Variants in HMOX2 observed in about 807,000 individuals in gnomAD.
HMOX2 encodes the protein heme oxygenase 2.
In HMOX2, 30 loss-of-function variants were observed where a neutral mutation model predicts 33.7. The observed-to-expected ratio is 0.89, with a 90% CI of 0.67 to 1.21. HMOX2 has a LOEUF of 1.21. Among genes scored for constraint, HMOX2 ranks in the 50% most tolerant of loss-of-function variants. The probability of loss-of-function intolerance (pLI) is 0.00; values close to 1 mark genes in which losing one functional copy is unlikely to be tolerated. For missense variants in HMOX2, 403 were observed against 399.1 expected, an observed-to-expected ratio of 1.01 and a Z score of -0.08; for synonymous variants, 155 against 155.0, an observed-to-expected ratio of 1.00 and a Z score of 0.00.
chr16:4,487,152 G>A (rs746134035), intron 1 of HMOX2, among the ~76,000 whole-genome samples: 9 of 152,088 alleles, frequency 5.9e-5, no homozygotes, highest in Non-Finnish European at 1.2e-4. Context: ...TCAGCTGCTC[G>A]AGAGGCTAAG....
At chr16:4,508,315 A>C in intron 4 of HMOX2, 111 bp downstream of exon 4, 1 of 1,291,162 alleles carries the variant, frequency 7.7e-7, no homozygotes, top group Non-Finnish European at 1.1e-6. Flanking sequence ...GATGAGCTGC[A>C]GGGTGCCGAG....
At chr16:4,499,260 C>A (rs964869365) in intron 1 of HMOX2, among the ~76,000 whole-genome samples, 1 of 152,190 alleles carries the variant, frequency 6.6e-6, no homozygotes, top group South Asian at 2.1e-4. Flanking sequence ...TTAGTCTTCG[C>A]AGCACACAGT....
At chr16:4,494,878 A>G (rs1021275857) in intron 1 of HMOX2, among the ~76,000 whole-genome samples, 7 of 152,024 alleles carry the variant, frequency 4.6e-5, no homozygotes, top group Non-Finnish European at 1.5e-5. Context: ...GACTGTCTAA[A>G]AAAAAAAAGT....
intron 1 of HMOX2, among the ~76,000 whole-genome samples, chr16:4,492,854 T>C (rs1177903647): frequency 6.6e-6 from 1 of 151,974 alleles, no homozygotes; most frequent in Non-Finnish European, 1.5e-5. Flanking sequence ...CTGGGCAACA[T>C]GGGAATACCC....
intron 1 of HMOX2, among the ~76,000 whole-genome samples, chr16:4,498,765 C>A (rs1596466729): frequency 6.6e-6 from 1 of 152,204 alleles, no homozygotes; most frequent in Non-Finnish European, 1.5e-5. Flanking sequence ...AATGAAAGGG[C>A]TTATGTATAA....
chr16:4,483,819 C>A (rs1191755177), intron 1 of HMOX2: 1 of 151,888 alleles, frequency 6.6e-6, no homozygotes, highest in Non-Finnish European at 1.5e-5. Flanking sequence ...ACCATATTAA[C>A]CAGGCTGGTC....
intron 1 of HMOX2, among the ~76,000 whole-genome samples, chr16:4,486,516 T>C (rs145499848): frequency 9.3e-4 from 141 of 152,256 alleles, no homozygotes; most frequent in African/African-American, 3.1e-3. Context: ...ATGAGGTGAG[T>C]TGAAGACACA....
chr16:4,503,199 C>T (rs1276425225), intron 1 of HMOX2, among the ~76,000 whole-genome samples: 3 of 152,140 alleles, frequency 2.0e-5, no homozygotes, highest in Admixed American at 1.3e-4. Flanking sequence ...TATTCTACAG[C>T]TTGCAATGCC....
chr16:4,497,978 G>A (rs1373523291), intron 1 of HMOX2, among the ~76,000 whole-genome samples: 2 of 151,362 alleles, frequency 1.3e-5, no homozygotes. Flanking sequence ...CTGCCTTCTT[G>A]CCCAAATGCG....
At chr16:4,488,825 CTTT>C (rs36017534) in intron 1 of HMOX2, 59 of 130,440 alleles carry the variant, frequency 4.5e-4, no homozygotes, top group Middle Eastern at 7.8e-3. Flanking sequence ...CTGTACATTT[CTTT>C]TTTTTTTTTT....
Position 4,505,612 on chromosome 16 carries a change from T to G in HMOX2, c.86+2T>G, listed in dbSNP as rs2141603100. 1.3e-6 allele frequency: 2 copies of G among 1,583,982 alleles called. No homozygotes were observed. The highest frequency in any genetic ancestry group is 3.3e-4 in the Middle Eastern group (2 of 6,026). On this transcript the variant is annotated splice_donor_variant, in intron 2 of 5. Transcript: ENST00000570646. LOFTEE classifies it high-confidence loss of function. ...CCTAGAAAAGGAGAACCAAATGAGG[T>G]GAGCGATGGGGGCTGGCTGCACTGA...
rs1275777827 is a variant in HMOX2, at chr16:4,507,834, T to A, written c.326T>A (p.Leu109Gln). Residue 109 changes from leucine (L) to glutamine (Q), a missense_variant, in exon 4 of 6, where the codon CTG becomes CAG. Leu to Gln is a moderately radical substitution (Grantham distance 113). Transcript: ENST00000570646. ...FPMELHRKEALTKDMEYFFGE... is the reference protein window; with the variant it reads ...FPMELHRKEAQTKDMEYFFGE... The stretch of plus-strand genomic sequence containing the variant: ...ATGGAGCTGCACCGGAAGGAGGCGC[T>A]GACCAAGGACATGGAGTATTTCTTT... 6.2e-7 allele frequency: 1 copy of A among 1,614,212 alleles called. No individual in the cohort carries two copies. Among genetic ancestry groups the A allele is most frequent in the Non-Finnish European group, 8.5e-7 (1 of 1,180,046 alleles).
At chr16:4,507,104 G>C (rs2058713315) in intron 3 of HMOX2, 92 bp downstream of exon 3, 2 of 794,222 alleles carry the variant, frequency 2.5e-6, no homozygotes, top group Admixed American at 3.7e-5. Context: ...GCCACTCTGA[G>C]GGAAAAGCTG....
At chr16:4,480,463 G>T (rs985967282) in intron 1 of HMOX2, among the ~76,000 whole-genome samples, 3 of 149,248 alleles carry the variant, frequency 2.0e-5, no homozygotes, top group Non-Finnish European at 3.0e-5. Context: ...TCCTTCCTCA[G>T]CCTCCCTAGT....
intron 1 of HMOX2, among the ~76,000 whole-genome samples, 192 bp from the exon 2 acceptor site, chr16:4,505,292 T>C (rs1165434159): frequency 2.0e-5 from 3 of 152,214 alleles, no homozygotes; most frequent in Non-Finnish European, 4.4e-5. Context: ...ACCTAATACA[T>C]TGTTCATATT....
chr16:4,506,888 T>G lies in HMOX2; in HGVS notation c.87-7T>G. ...TTGACACACAAACACCTCCCATCTC[T>G]CCACAGAATGGCTGACCTCTCGGAG... On this transcript the variant is annotated splice_polypyrimidine_tract_variant and splice_region_variant and intron_variant, in intron 2 of 5. Coordinates refer to ENST00000570646, the MANE Select transcript of HMOX2 (RefSeq NM_002134.4). 1 of 1,604,632 alleles carries G rather than the reference T, an allele frequency of 6.2e-7. No individual in the cohort carries two copies. The highest frequency in any genetic ancestry group is 8.5e-7 in the Non-Finnish European group (1 of 1,171,452).
At chr16:4,487,778 A>T (rs1305548092) in intron 1 of HMOX2, among the ~76,000 whole-genome samples, 1 of 126,882 alleles carries the variant, frequency 7.9e-6, no homozygotes, top group Non-Finnish European at 1.6e-5. Flanking sequence ...ACAGAGCGAG[A>T]CTCCGTCTCA....
intron 1 of HMOX2, among the ~76,000 whole-genome samples, chr16:4,488,131 A>G (rs1164289574): frequency 8.2e-6 from 1 of 121,406 alleles, no homozygotes; most frequent in Admixed American, 8.6e-5. Flanking sequence ...CCATCTCAAA[A>G]AAAAAAAAAA....
intron 1 of HMOX2, among the ~76,000 whole-genome samples, chr16:4,497,954 T>C (rs2058462612): frequency 6.6e-6 from 1 of 152,124 alleles, no homozygotes; most frequent in Non-Finnish European, 1.5e-5. Context: ...AGTTTGCAGT[T>C]GTTTTGCTTT....
Sources: allele counts gnomAD v4.1 joint callset (sites outside exome capture counted in the v4.1 genomes callset), GRCh38; gene constraint gnomAD v4.1.1; transcripts MANE v1.5; gene names NCBI Gene and HGNC (gene_info 2026-07-23, HGNC 2026-07-21).